The following CNTLN variants were observed in gnomAD, a reference collection of about 807,000 sequenced individuals.
The protein encoded by CNTLN is centlein, also known as centlein, centrosomal protein.
In CNTLN, 212 loss-of-function variants were observed where a neutral mutation model predicts 180.0. The ratio of observed to expected loss-of-function variants is 1.18; its 90% CI spans 1.05 to 1.32. The LOEUF is 1.32. CNTLN is among the 40% of genes most tolerant of loss of function. The pLI is 0.00. For synonymous variants in CNTLN, 722 were observed against 563.1 expected (o/e 1.28, Z -3.99); for missense variants, 2,095 against 1,610.9 (o/e 1.30, Z -5.14).
intron 2 of CNTLN, among the ~76,000 whole-genome samples, chr9:17,153,775 T>C (rs1336277625): frequency 6.6e-6 from 1 of 152,218 alleles, no homozygotes; most frequent in Non-Finnish European, 1.5e-5. Context: ...ATTCTCTCCG[T>C]CACTTTCAGG....
At chr9:17,368,873 A>T (rs1229339190) in intron 13 of CNTLN, among the ~76,000 whole-genome samples, 2 of 152,188 alleles carry the variant, frequency 1.3e-5, no homozygotes, top group Non-Finnish European at 1.5e-5. Flanking sequence ...GGGCTGAATC[A>T]ATCCTACTGC....
chr9:17,180,751 C>T (rs1256244625), intron 2 of CNTLN, among the ~76,000 whole-genome samples: 1 of 151,904 alleles, frequency 6.6e-6, no homozygotes, highest in East Asian at 1.9e-4. Flanking sequence ...CTAGATTTCC[C>T]CCCTCCTATT....
intron 18 of CNTLN, among the ~76,000 whole-genome samples, chr9:17,428,050 G>C (rs1829201545): frequency 6.6e-6 from 1 of 152,146 alleles, no homozygotes; most frequent in African/African-American, 2.4e-5. Flanking sequence ...AGAGTGCATT[G>C]TAATTAGGGA....
At chr9:17,461,916 C>G (rs1414419207) in intron 19 of CNTLN, among the ~76,000 whole-genome samples, 1 of 151,724 alleles carries the variant, frequency 6.6e-6, no homozygotes, top group Non-Finnish European at 1.5e-5. Flanking sequence ...TGTTCTAACA[C>G]TCTAGTTACC....
At chr9:17,328,696 A>G (rs1359167972) in intron 8 of CNTLN, among the ~76,000 whole-genome samples, 1 of 152,168 alleles carries the variant, frequency 6.6e-6, no homozygotes, top group Non-Finnish European at 1.5e-5. Flanking sequence ...CTTGGTTAAT[A>G]TGTATGCAAA....
At chr9:17,377,134 C>G (rs555160946) in intron 13 of CNTLN, among the ~76,000 whole-genome samples, 2 of 152,246 alleles carry the variant, frequency 1.3e-5, no homozygotes, top group East Asian at 3.9e-4. Context: ...ATAATTTCCT[C>G]AGCTTTAAAG....
At chr9:17,400,062 T>G (rs1367408071) in intron 15 of CNTLN, among the ~76,000 whole-genome samples, 1 of 152,228 alleles carries the variant, frequency 6.6e-6, no homozygotes, top group Non-Finnish European at 1.5e-5. Context: ...ATCTGCATTT[T>G]TACGGTGTCT....
At chr9:17,381,515 A>G (rs1328627799) in intron 13 of CNTLN, among the ~76,000 whole-genome samples, 1 of 152,224 alleles carries the variant, frequency 6.6e-6, no homozygotes, top group Non-Finnish European at 1.5e-5. Flanking sequence ...ACTACATAAC[A>G]TGGGTTACCA....
intron 2 of CNTLN, among the ~76,000 whole-genome samples, chr9:17,221,458 G>A (rs985110699): frequency 1.3e-5 from 2 of 152,030 alleles, no homozygotes; most frequent in Non-Finnish European, 2.9e-5. Context: ...TGTATTAAAT[G>A]TACTATTAAC....
At chr9:17,472,348 G>T (rs946963867) in intron 23 of CNTLN, among the ~76,000 whole-genome samples, 6 of 152,048 alleles carry the variant, frequency 3.9e-5, no homozygotes, top group East Asian at 1.9e-4. Context: ...TTAGAGTCAC[G>T]CACCCCAATT....
intron 6 of CNTLN, among the ~76,000 whole-genome samples, chr9:17,295,995 AGAGTGTGT>A (rs753378066): frequency 0.13 from 10,854 of 83,256 alleles, 295 homozygotes; most frequent in South Asian, 0.27. Flanking sequence ...AGAGAGAGAG[AGAGTGTGT>A]GTGTGTGTGT....
intron 13 of CNTLN, among the ~76,000 whole-genome samples, chr9:17,383,929 T>C (rs564348182): frequency 6.6e-6 from 1 of 152,240 alleles, no homozygotes; most frequent in South Asian, 2.1e-4. Flanking sequence ...TGAGCCACCT[T>C]GCCCGGCCCG....
chr9:17,270,089 T>A (rs1013447641), intron 5 of CNTLN, among the ~76,000 whole-genome samples: 1 of 152,118 alleles, frequency 6.6e-6, no homozygotes. Context: ...CTAATAAGAA[T>A]GGTTTACTCT....
chr9:17,409,185 A>G (rs1827645868), intron 15 of CNTLN, 108 bp from the exon 16 acceptor site: 2 of 956,982 alleles, frequency 2.1e-6, no homozygotes, highest in Non-Finnish European at 3.2e-6. Flanking sequence ...TTAAACTTGC[A>G]GTTTTATATA....
In CNTLN at chr9:17,484,619, A is replaced by G; in HGVS notation, c.4041+139A>G. On this transcript the variant is annotated intron_variant, in intron 24 of 25. Coordinates refer to ENST00000380647, the MANE Select transcript of CNTLN (RefSeq NM_017738.4). The stretch of plus-strand genomic sequence containing the variant: ...TGGTAAGATGGTTAAAGTGCCAATG[A>G]AAGATACACATCAAGTATTAACTAA... 4.7e-6 allele frequency: 3 copies of G among 644,618 alleles called. No homozygotes were observed. In the South Asian group the frequency reaches 8.6e-5, roughly 18 times the overall value. 39.9% of individuals were successfully genotyped at this position (644,618 alleles called of 1,614,324 possible).
intron 8 of CNTLN, among the ~76,000 whole-genome samples, chr9:17,325,847 T>C (rs1820254539): frequency 6.6e-6 from 1 of 152,024 alleles, no homozygotes; most frequent in Non-Finnish European, 1.5e-5. Flanking sequence ...TATTTAATTA[T>C]AATTTGCTAA....
intron 6 of CNTLN, among the ~76,000 whole-genome samples, chr9:17,297,962 AAATT>A (rs1247350314): frequency 2.0e-5 from 3 of 152,234 alleles, no homozygotes; most frequent in Admixed American, 1.3e-4. Context: ...CTACAAAAGA[AAATT>A]AATATGTATC....
At chr9:17,470,128 A>C (rs16935681) in intron 23 of CNTLN, among the ~76,000 whole-genome samples, 1 of 151,860 alleles carries the variant, frequency 6.6e-6, no homozygotes, top group Non-Finnish European at 1.5e-5. Context: ...ATTAAAGCCA[A>C]CTTGAGGAAA....
intron 6 of CNTLN, among the ~76,000 whole-genome samples, chr9:17,284,721 A>AT (rs755653179): frequency 4.0e-5 from 6 of 151,560 alleles, no homozygotes; most frequent in African/African-American, 7.3e-5. Flanking sequence ...GGATTCATTG[A>AT]TTTTTTTGGA....
Sources: allele counts gnomAD v4.1 joint callset (sites outside exome capture counted in the v4.1 genomes callset), GRCh38; gene constraint gnomAD v4.1.1; transcripts MANE v1.5; gene names NCBI Gene and HGNC (gene_info 2026-07-23, HGNC 2026-07-21).